Variants in CAST observed in about 807,000 individuals in gnomAD.
CAST encodes the protein MIR583 host.
In CAST, 76 loss-of-function variants were observed where a neutral mutation model predicts 119.6. That is an observed-to-expected ratio of 0.64 (90% CI 0.53 to 0.77). CAST has a LOEUF of 0.77. Among genes scored for constraint, CAST ranks in the 30% least tolerant of loss-of-function variants. The pLI, the probability that CAST is intolerant of heterozygous loss-of-function variation, is 0.00. For missense variants in CAST, 953 were observed against 946.5 expected (o/e 1.01, Z -0.09); for synonymous variants, 319 against 331.6 (o/e 0.96, Z 0.41).
At chr5:96,672,706 C>CAAAAAAAAAAAAA (rs11427288) in intron 1 of CAST, among the ~76,000 whole-genome samples, 1 of 59,172 alleles carries the variant, frequency 1.7e-5, no homozygotes, top group Non-Finnish European at 3.3e-5. Context: ...GACTCAGTCT[C>CAAAAAAAAAAAAA]AAAAAAAAAA....
At chr5:96,604,343 G>A (rs1747214007) in intron 1 of CAST, among the ~76,000 whole-genome samples, 1 of 152,154 alleles carries the variant, frequency 6.6e-6, no homozygotes, top group African/African-American at 2.4e-5. Flanking sequence ...ATAAGGTGAT[G>A]AATAAATTGG....
chr5:96,651,085 C>T (rs1249258428), intron 1 of CAST, among the ~76,000 whole-genome samples: 1 of 152,106 alleles, frequency 6.6e-6, no homozygotes, highest in Non-Finnish European at 1.5e-5. Context: ...AATAAAACAA[C>T]AGACCCAAAC....
intron 1 of CAST, among the ~76,000 whole-genome samples, chr5:96,633,683 G>A (rs1747849902): frequency 6.6e-6 from 1 of 152,206 alleles, no homozygotes; most frequent in Non-Finnish European, 1.5e-5. Flanking sequence ...TCCCTTGCTT[G>A]TGGGCAAAGA....
chr5:96,730,724 A>G, intron 8 of CAST, 56 bp from the exon 9 acceptor site: 1 of 1,255,124 alleles, frequency 8.0e-7, no homozygotes, highest in Non-Finnish European at 1.2e-6. Flanking sequence ...CATGATCTTG[A>G]TAATAGCCAT....
the CAST span, among the ~76,000 whole-genome samples, chr5:96,518,434 C>A: frequency 6.6e-6 from 1 of 152,156 alleles, no homozygotes; most frequent in Non-Finnish European, 1.5e-5. Context: ...AGTGTACACA[C>A]AATTGTGATC....
chr5:96,236,532 A>G, the CAST span, among the ~76,000 whole-genome samples: 1 of 152,158 alleles, frequency 6.6e-6, no homozygotes, highest in Non-Finnish European at 1.5e-5. Flanking sequence ...ATAAATAGGC[A>G]CTTCCGTGAA....
the CAST span, among the ~76,000 whole-genome samples, chr5:96,403,633 G>A: frequency 6.6e-6 from 1 of 152,188 alleles, no homozygotes; most frequent in Non-Finnish European, 1.5e-5. Flanking sequence ...GAAAATAAGG[G>A]TATGGAATTA....
chr5:96,590,422 C>T (rs1468382612), intron 1 of CAST, among the ~76,000 whole-genome samples: 2 of 152,146 alleles, frequency 1.3e-5, no homozygotes, highest in Admixed American at 1.3e-4. Flanking sequence ...AAGGACTCAC[C>T]TAAGGACTCT....
the CAST span, among the ~76,000 whole-genome samples, chr5:96,446,012 T>C: frequency 0.2 from 31,140 of 151,970 alleles, 3,542 homozygotes; most frequent in South Asian, 0.37. Context: ...CACTCCTGGC[T>C]AATTTTGTTT....
the CAST span, among the ~76,000 whole-genome samples, chr5:96,443,314 G>A: frequency 0.17 from 25,150 of 152,026 alleles, 3,259 homozygotes; most frequent in African/African-American, 0.36. Flanking sequence ...ATAACTAGAC[G>A]CAGGATCATT....
chr5:96,163,438 C>T, the CAST span, among the ~76,000 whole-genome samples: 2 of 152,062 alleles, frequency 1.3e-5, no homozygotes, highest in Non-Finnish European at 2.9e-5. Flanking sequence ...TTTCCAATTT[C>T]TTGGTATTGC....
chr5:96,202,696 T>C, the CAST span, among the ~76,000 whole-genome samples: 4 of 152,204 alleles, frequency 2.6e-5, no homozygotes, highest in South Asian at 4.1e-4. Flanking sequence ...GGCTGGAAAG[T>C]TGATAAATGG....
At chr5:96,522,363 T>C (rs911441068), upstream of CAST, among the ~76,000 whole-genome samples, 3 of 152,156 alleles carry the variant, frequency 2.0e-5, no homozygotes, top group African/African-American at 7.2e-5. Context: ...TAGAATCCCA[T>C]GTCAGAACCA....
chr5:96,326,836 A>G, the CAST span, among the ~76,000 whole-genome samples: 59 of 150,406 alleles, frequency 3.9e-4, no homozygotes, highest in African/African-American at 1.4e-3. Context: ...CTATTCTTCT[A>G]TGATTTATGA....
chr5:96,703,022 C>A, intron 3 of CAST: 1 of 828,734 alleles, frequency 1.2e-6, no homozygotes, highest in Non-Finnish European at 1.5e-6. Context: ...GTCCCTGCAG[C>A]GGACTCCCCA....
At chr5:96,430,008 A>G in the CAST span, among the ~76,000 whole-genome samples, 2 of 152,246 alleles carry the variant, frequency 1.3e-5, no homozygotes, top group African/African-American at 4.8e-5. Context: ...GATACTATCT[A>G]TGGTCAGTGC....
the CAST span, among the ~76,000 whole-genome samples, chr5:96,167,176 A>G: frequency 6.6e-6 from 1 of 152,206 alleles, no homozygotes; most frequent in South Asian, 2.1e-4. Context: ...GTGCCCAAGG[A>G]GCTTCAGCAT....
chr5:96,555,168 A>G (rs1746210882), intron 1 of CAST, among the ~76,000 whole-genome samples: 1 of 152,240 alleles, frequency 6.6e-6, no homozygotes, highest in South Asian at 2.1e-4. Context: ...TCCATCAGTG[A>G]TAGACTGGAT....
chr5:96,035,859 G>T, the CAST span, among the ~76,000 whole-genome samples: 6 of 151,802 alleles, frequency 4.0e-5, no homozygotes, highest in Non-Finnish European at 7.4e-5. Flanking sequence ...TAGGATGTGC[G>T]CACTGTGTTT....
Sources: allele counts gnomAD v4.1 joint callset (sites outside exome capture counted in the v4.1 genomes callset), GRCh38; gene constraint gnomAD v4.1.1; transcripts MANE v1.5; gene names NCBI Gene and HGNC (gene_info 2026-07-23, HGNC 2026-07-21).